Variants in ZNF397 observed in about 807,000 individuals in gnomAD.
ZNF397 encodes zinc finger protein 397.
In ZNF397, 38 loss-of-function variants were observed where a neutral mutation model predicts 50.6. That is an observed-to-expected ratio of 0.75 (90% confidence interval 0.58 to 0.98). The LOEUF (loss-of-function observed/expected upper bound fraction) is 0.98, where lower values mean the gene tolerates loss of function less well. Ranked by LOEUF, ZNF397 falls within the 50% of genes least tolerant of loss-of-function variation. The probability of loss-of-function intolerance (pLI) is 0.00; values close to 1 mark genes in which losing one functional copy is unlikely to be tolerated. For synonymous variants in ZNF397, 228 were observed against 215.2 expected (o/e 1.06, Z -0.52); for missense variants, 624 against 624.1 (o/e 1.00, Z 0.00).
chr18:35,253,967 T>C, downstream of ZNF397: 1 of 1,614,222 alleles, frequency 6.2e-7, no homozygotes, highest in Non-Finnish European at 8.5e-7. Flanking sequence ...CTCTCCAGTA[T>C]GAATTCTCTG....
chr18:35,246,121 G>A lies in ZNF397; in HGVS notation c.1416G>A (p.Gln472=), dbSNP rs1460771425. Residue 472 remains glutamine (Q), a synonymous_variant, in exon 4 of 4, where the codon CAG becomes CAA. Transcript: ENST00000330501. The part of the protein sequence containing the change: ...FSLSSNLIRH[Q]RIHSGEEPYQ... ...TGAGCTCAAACCTTATCAGACATCA[G>A]AGAATTCATAGTGGGGAGGAACCTT... 1.3e-6 allele frequency: 2 copies of A among 1,551,700 alleles called. No individual in the cohort carries two copies. The highest frequency in any genetic ancestry group is 2.0e-5 in the Admixed American group (1 of 50,992).
chr18:35,254,555 C>A, downstream of ZNF397: 1 of 1,150,804 alleles, frequency 8.7e-7, no homozygotes. Flanking sequence ...CAAATATGGC[C>A]CCCTTGGAGA....
Position 35,246,279 on chromosome 18 carries a change from TGC to T in ZNF397, c.1577_1578del (p.Arg526ProfsTer16). On this transcript the variant is annotated frameshift_variant, in exon 4 of 4. Transcript: ENST00000330501. LOFTEE classifies it high-confidence loss of function. ...GCTTTCAGGCACAGATCGGTCCTTA[TGC>T]GCCATCAAAGAGTCCACACTATAAA... 6.4e-7 allele frequency: 1 copy of T among 1,550,828 alleles called. No individual in the cohort carries two copies. The highest frequency in any genetic ancestry group is 8.7e-7 in the Non-Finnish European group (1 of 1,146,610).
downstream of ZNF397, chr18:35,249,910 A>G (rs1377764806): frequency 6.6e-6 from 1 of 151,972 alleles, no homozygotes; most frequent in Non-Finnish European, 1.5e-5. Flanking sequence ...AACCTCTAAT[A>G]CTCTTAAAAT....
Position 35,245,130 on chromosome 18 carries a change from C to T in ZNF397, c.557-132C>T, listed in dbSNP as rs1262848874. On this transcript the variant is annotated intron_variant, in intron 3 of 3. Coordinates refer to ENST00000330501, the MANE Select transcript of ZNF397 (RefSeq NM_001135178.3). ...TTAGATAAGAGAGACCCTCTTTTGG[C>T]CAGTTGAAAAAAAAGATACTGGAGG... 3.3e-6 allele frequency: 4 copies of T among 1,198,202 alleles called. No homozygotes were observed. In the East Asian group the frequency reaches 8.0e-5, roughly 24 times the overall value. 74.2% of individuals were successfully genotyped at this position (1,198,202 alleles called of 1,614,324 possible).
chr18:35,254,452 A>G, downstream of ZNF397: 2 of 1,609,764 alleles, frequency 1.2e-6, no homozygotes, highest in Non-Finnish European at 1.7e-6. Flanking sequence ...TAGCAGGAAC[A>G]CAAACTCAAT....
chr18:35,253,610 T>G (rs780144550), downstream of ZNF397: 3 of 1,614,016 alleles, frequency 1.9e-6, no homozygotes, highest in African/African-American at 4.0e-5. Context: ...TTCATTACAT[T>G]CATAAGGTTT....
At chr18:35,241,772 C>T (rs996320484) in intron 1 of ZNF397, 2 of 152,124 alleles carry the variant, frequency 1.3e-5, no homozygotes, top group Non-Finnish European at 2.9e-5. Flanking sequence ...TCTTAATGCT[C>T]AGTAAGTGCC....
At chr18:35,243,344 T>C (rs1912664425) in intron 3 of ZNF397, 51 bp downstream of exon 3, 3 of 1,613,810 alleles carry the variant, frequency 1.9e-6, no homozygotes, top group Non-Finnish European at 2.5e-6. Flanking sequence ...GCCTCTGTTT[T>C]TGAGAATGCA....
chr18:35,254,159 A>C, downstream of ZNF397: 1 of 1,614,200 alleles, frequency 6.2e-7, no homozygotes. Context: ...GAAGGTTGCC[A>C]GACTGAAATG....
chr18:35,242,333 T>A (rs988655369), intron 1 of ZNF397, 58 bp from the exon 2 acceptor site: 10 of 776,238 alleles, frequency 1.3e-5, no homozygotes, highest in Non-Finnish European at 1.8e-5. Context: ...TCTTTCTTAT[T>A]ACAAGTACTT....
rs113222814 is a variant in ZNF397, at chr18:35,255,982, G to A, written c.817+1580G>A. On this transcript the variant is annotated intron_variant, in intron 5 of 5. Transcript: ENST00000261333. The stretch of plus-strand genomic sequence containing the variant: ...AGTAATAAATAGGTCAAATTATTAA[G>A]AGCATCAATTATAGGGTATAAAGTG... Among the ~76,000 whole-genome samples the A allele has an allele frequency of 2.6e-3, 390 of 152,308 alleles. 1 individual carries two copies. The highest frequency in any genetic ancestry group is 8.3e-3 in the African/African-American group (343 of 41,572).
chr18:35,254,336 A>G (rs922255975), downstream of ZNF397: 1 of 1,613,864 alleles, frequency 6.2e-7, no homozygotes, highest in Admixed American at 1.7e-5. Context: ...ACATTCAACA[A>G]TTTCTTGCTT....
chr18:35,254,645 GACAA>G, downstream of ZNF397: 1 of 550,488 alleles, frequency 1.8e-6, no homozygotes, highest in Non-Finnish European at 3.1e-6. Context: ...AGGGAATGGT[GACAA>G]ACAGGAATAT....
At chr18:35,250,588 A>G (rs1480491936), downstream of ZNF397, among the ~76,000 whole-genome samples, 1 of 152,178 alleles carries the variant, frequency 6.6e-6, no homozygotes, top group Admixed American at 6.5e-5. Flanking sequence ...CAACTAATAC[A>G]TCCAGCTGAA....
chr18:35,258,029 A>C (rs1228610631), exon 6 of ZNF397: 6 of 780,110 alleles, frequency 7.7e-6, no homozygotes, highest in Non-Finnish European at 9.6e-6. Flanking sequence ...TGAAGCACCT[A>C]CAAGAAACTT....
chr18:35,241,429 C>T (rs1420424498), intron 1 of ZNF397: 1 of 152,218 alleles, frequency 6.6e-6, no homozygotes, highest in African/African-American at 2.4e-5. Flanking sequence ...TATTTTAATT[C>T]ATCTCTTAAC....
At position 35,246,770 on chromosome 18, in the gene ZNF397, A is replaced by G. The variant is rs1598585261; in HGVS notation, c.*460A>G. Reference sequence around the variant, plus strand: ...ACAGAGCAGCAGGAAAGGTGGGGAAATGGCTTCATCAATGATTTGTTGAGC... The same window carrying G: ...ACAGAGCAGCAGGAAAGGTGGGGAAGTGGCTTCATCAATGATTTGTTGAGC... On this transcript the variant is annotated 3_prime_UTR_variant, in exon 4 of 4. Transcript: ENST00000330501. The G allele has an allele frequency of 2.0e-6, 2 of 987,728 alleles. No homozygotes were observed. Among genetic ancestry groups the G allele is most frequent in the Non-Finnish European group, 2.4e-6 (2 of 831,726 alleles). The allele number at this position is 987,728 out of a possible 1,614,324, so 61.2% of individuals were successfully genotyped here.
chr18:35,253,590 AT>A, downstream of ZNF397: 1 of 1,611,766 alleles, frequency 6.2e-7, no homozygotes, highest in South Asian at 1.1e-5. Context: ...TGATTGAAGG[AT>A]TTTCCACATT....
Sources: gnomAD v4.1 joint callset for allele counts (sites outside exome capture counted in the v4.1 genomes callset) on GRCh38, gnomAD v4.1.1 for gene constraint, MANE v1.5 for transcripts, NCBI Gene and HGNC (gene_info 2026-07-23, HGNC 2026-07-21) for gene names.